The following EPHA6 variants were observed in gnomAD, a reference collection of about 807,000 sequenced individuals.
The protein encoded by EPHA6 is EPH receptor A6, also known as ephrin type-A receptor 6.
In EPHA6, 50 loss-of-function variants were observed where a neutral mutation model predicts 112.0. The ratio of observed to expected loss-of-function variants is 0.45; its 90% CI spans 0.36 to 0.56. EPHA6 has a LOEUF of 0.56. Among genes scored for constraint, EPHA6 ranks in the 20% least tolerant of loss-of-function variants. The pLI is 0.00. For missense variants in EPHA6, 1,280 were observed against 1,417.4 expected, an observed-to-expected ratio of 0.90 and a Z score of 1.56; for synonymous variants, 529 against 490.7, an observed-to-expected ratio of 1.08 and a Z score of -1.03.
intron 3 of EPHA6, among the ~76,000 whole-genome samples, chr3:97,110,277 C>T (rs551860913): frequency 2.0e-4 from 31 of 152,014 alleles, no homozygotes; most frequent in African/African-American, 5.8e-4. Flanking sequence ...GGTAATTTAC[C>T]ATTTACATAA....
chr3:97,331,159 C>T (rs1250372945), intron 5 of EPHA6, among the ~76,000 whole-genome samples: 1 of 152,006 alleles, frequency 6.6e-6, no homozygotes, highest in East Asian at 1.9e-4. Flanking sequence ...GGGTACATAA[C>T]GAAATGAAGG....
chr3:96,946,130 T>C (rs1459167199), intron 2 of EPHA6, among the ~76,000 whole-genome samples: 2 of 152,112 alleles, frequency 1.3e-5, no homozygotes, highest in Non-Finnish European at 2.9e-5. Flanking sequence ...AGTTATATGA[T>C]TTTAAGTTTC....
intron 11 of EPHA6, among the ~76,000 whole-genome samples, chr3:97,574,780 T>C (rs965148637): frequency 1.3e-5 from 2 of 152,114 alleles, no homozygotes; most frequent in Non-Finnish European, 2.9e-5. Context: ...AATATATATT[T>C]AATTTCACTA....
chr3:97,495,907 G>A (rs1235648706), intron 10 of EPHA6, among the ~76,000 whole-genome samples: 2 of 152,036 alleles, frequency 1.3e-5, no homozygotes, highest in Non-Finnish European at 2.9e-5. Context: ...TACAGTTATG[G>A]CCGTACTTTT....
intron 3 of EPHA6, among the ~76,000 whole-genome samples, chr3:97,131,378 T>A (rs1043339790): frequency 1.3e-5 from 2 of 152,038 alleles, no homozygotes; most frequent in Non-Finnish European, 2.9e-5. Flanking sequence ...TAGGAACAGA[T>A]CAAGGTGTAC....
chr3:97,047,606 G>A (rs1004507399), intron 3 of EPHA6, among the ~76,000 whole-genome samples: 4 of 151,332 alleles, frequency 2.6e-5, no homozygotes, highest in African/African-American at 9.7e-5. Context: ...TCTGGAAATA[G>A]GAAAACTTTG....
chr3:96,952,982 A>G (rs963196357), intron 2 of EPHA6, among the ~76,000 whole-genome samples: 1 of 152,218 alleles, frequency 6.6e-6, no homozygotes, highest in Non-Finnish European at 1.5e-5. Flanking sequence ...TACCTGTGTA[A>G]CAAACCTGCA....
intron 3 of EPHA6, among the ~76,000 whole-genome samples, chr3:97,039,434 C>T (rs549554283): frequency 6.6e-6 from 1 of 151,718 alleles, no homozygotes; most frequent in East Asian, 1.9e-4. Context: ...TAGACACAAG[C>T]CTGTTGGAGT....
At chr3:97,739,224 C>T (rs1484095841) in intron 16 of EPHA6, among the ~76,000 whole-genome samples, 1 of 152,024 alleles carries the variant, frequency 6.6e-6, no homozygotes, top group African/African-American at 2.4e-5. Flanking sequence ...GAAAAGGAGT[C>T]CAGGTGTATA....
intron 5 of EPHA6, among the ~76,000 whole-genome samples, chr3:97,352,398 G>T (rs1304187434): frequency 6.6e-6 from 1 of 152,096 alleles, no homozygotes; most frequent in Non-Finnish European, 1.5e-5. Context: ...CAGTGAAGAG[G>T]GTAGGAAAGA....
chr3:97,529,171 G>C (rs2092666376), intron 10 of EPHA6, among the ~76,000 whole-genome samples: 1 of 152,096 alleles, frequency 6.6e-6, no homozygotes, highest in South Asian at 2.1e-4. Context: ...AGACAGCAGA[G>C]AATAATGGTT....
intron 5 of EPHA6, among the ~76,000 whole-genome samples, chr3:97,263,467 A>C (rs989423089): frequency 2.7e-5 from 4 of 150,558 alleles, no homozygotes; most frequent in Non-Finnish European, 5.9e-5. Context: ...ACACACACAC[A>C]CCCGCTAGGC....
At chr3:97,635,901 A>G (rs2093940723) in intron 13 of EPHA6, among the ~76,000 whole-genome samples, 1 of 152,126 alleles carries the variant, frequency 6.6e-6, no homozygotes, top group Non-Finnish European at 1.5e-5. Flanking sequence ...TTAAGTAACT[A>G]TTTCTCATCA....
chr3:96,968,953 A>C (rs1240090357), intron 2 of EPHA6, among the ~76,000 whole-genome samples: 1 of 151,906 alleles, frequency 6.6e-6, no homozygotes, highest in Non-Finnish European at 1.5e-5. Context: ...ACATAAATGC[A>C]TATGGTTCTT....
At chr3:97,052,193 G>A (rs901727409) in intron 3 of EPHA6, among the ~76,000 whole-genome samples, 1 of 151,986 alleles carries the variant, frequency 6.6e-6, no homozygotes, top group Non-Finnish European at 1.5e-5. Flanking sequence ...GTTACATTAT[G>A]CCACTCACGC....
chr3:97,322,717 A>T (rs2082179038), intron 5 of EPHA6, among the ~76,000 whole-genome samples: 1 of 152,054 alleles, frequency 6.6e-6, no homozygotes, highest in South Asian at 2.1e-4. Context: ...AGTAATTTAA[A>T]ACCAAGTCAC....
At chr3:96,906,635 C>T (rs1028723158) in intron 2 of EPHA6, among the ~76,000 whole-genome samples, 2 of 152,040 alleles carry the variant, frequency 1.3e-5, no homozygotes, top group African/African-American at 4.8e-5. Context: ...TCAACCACAT[C>T]ATTTGTTCTT....
intron 6 of EPHA6, 62 bp downstream of exon 6, chr3:97,405,336 A>C (rs1030612056): frequency 5.8e-6 from 8 of 1,385,278 alleles, no homozygotes; most frequent in Non-Finnish European, 7.0e-6. Context: ...GTATATATTG[A>C]GCATGTCGTT....
chr3:97,671,904 C>G (rs575108216), intron 14 of EPHA6, among the ~76,000 whole-genome samples: 2 of 152,216 alleles, frequency 1.3e-5, no homozygotes, highest in East Asian at 3.9e-4. Flanking sequence ...ACCTACTTCT[C>G]TATGTACACT....
Sources: gnomAD v4.1 joint callset for allele counts (sites outside exome capture counted in the v4.1 genomes callset) on GRCh38, gnomAD v4.1.1 for gene constraint, MANE v1.5 for transcripts, NCBI Gene and HGNC (gene_info 2026-07-23, HGNC 2026-07-21) for gene names.